Variants in ZNF469 observed in about 807,000 individuals in gnomAD.
The protein encoded by ZNF469 is zinc finger protein 469.
A neutral mutation model predicts 1.0 loss-of-function variants in ZNF469; 1 was observed. The ratio of observed to expected loss-of-function variants is 1.00; its 90% CI spans 0.35 to 4.73. The LOEUF is 4.73. ZNF469 is among the 30% of genes most tolerant of loss of function. The pLI is 0.16. For missense variants in ZNF469, 6,100 were observed against 5,356.3 expected (o/e 1.14, Z -4.33); for synonymous variants, 2,703 against 2,363.4 (o/e 1.14, Z -4.17).
the ZNF469 span, among the ~76,000 whole-genome samples, chr16:88,116,369 G>A: frequency 3.9e-5 from 6 of 152,130 alleles, no homozygotes; most frequent in South Asian, 2.1e-4. Flanking sequence ...CCGCAATGCC[G>A]CAGTGTAGAC....
the ZNF469 span, among the ~76,000 whole-genome samples, chr16:88,114,088 C>G: frequency 6.6e-6 from 1 of 152,072 alleles, no homozygotes; most frequent in Admixed American, 6.5e-5. Flanking sequence ...ATGGCCTTTG[C>G]AAGTCCCTCC....
intron 1 of ZNF469, among the ~76,000 whole-genome samples, chr16:88,417,514 T>A (rs1168107052): frequency 6.6e-6 from 1 of 152,160 alleles, no homozygotes; most frequent in East Asian, 1.9e-4. Context: ...GCTAGAAGGT[T>A]CCTGGGGCCA....
the ZNF469 span, among the ~76,000 whole-genome samples, chr16:88,138,607 G>C: frequency 1.3e-5 from 2 of 152,204 alleles, no homozygotes; most frequent in Admixed American, 1.3e-4. Flanking sequence ...GTCATGAAAG[G>C]TTGGTTCTGC....
At chr16:88,341,896 C>T in the ZNF469 span, among the ~76,000 whole-genome samples, 1 of 152,204 alleles carries the variant, frequency 6.6e-6, no homozygotes, top group African/African-American at 2.4e-5. Flanking sequence ...ACCAAGGGCG[C>T]TGGCCATCTG....
chr16:88,425,391 C>A (rs547805997), intron 2 of ZNF469, among the ~76,000 whole-genome samples: 1 of 152,182 alleles, frequency 6.6e-6, no homozygotes, highest in African/African-American at 2.4e-5. Flanking sequence ...TACCCCCAAC[C>A]CTGCAGCCTG....
the ZNF469 span, among the ~76,000 whole-genome samples, chr16:88,306,470 G>A: frequency 2.0e-5 from 3 of 152,172 alleles, no homozygotes; most frequent in Non-Finnish European, 4.4e-5. Flanking sequence ...TGGGAGGCTC[G>A]GGGAGGCTGA....
intron 1 of ZNF469, among the ~76,000 whole-genome samples, chr16:88,423,251 ATAGATGGATGGATGGGTGGGTGGG>A: frequency 1.7e-5 from 2 of 121,068 alleles, no homozygotes; most frequent in Non-Finnish European, 3.7e-5. Context: ...GGATGGATGG[ATAGATGGATGGATGGGTGGGTGGG>A]TAGATGGATG....
the ZNF469 span, among the ~76,000 whole-genome samples, chr16:88,348,216 C>T: frequency 1.4e-4 from 22 of 152,218 alleles, no homozygotes; most frequent in Non-Finnish European, 2.4e-4. Context: ...TGGCTCAGGG[C>T]CGCCTTCCTG....
chr16:88,305,728 T>C, the ZNF469 span, among the ~76,000 whole-genome samples: 7 of 152,046 alleles, frequency 4.6e-5, no homozygotes, highest in Admixed American at 3.9e-4. Context: ...ACCTGCACAC[T>C]CATGCCTGCA....
chr16:88,360,210 A>G, the ZNF469 span, among the ~76,000 whole-genome samples: 1 of 151,022 alleles, frequency 6.6e-6, no homozygotes, highest in Non-Finnish European at 1.5e-5. Flanking sequence ...AGTAGAGATG[A>G]GGTTTCTCCA....
the ZNF469 span, among the ~76,000 whole-genome samples, chr16:88,227,208 G>A: frequency 6.6e-6 from 1 of 152,182 alleles, no homozygotes. Context: ...CCCCTTGCCC[G>A]TCGTGGGGAT....
At chr16:88,229,114 C>T in the ZNF469 span, among the ~76,000 whole-genome samples, 1 of 152,168 alleles carries the variant, frequency 6.6e-6, no homozygotes, top group Non-Finnish European at 1.5e-5. Flanking sequence ...TTTTGCACTT[C>T]ACTAAAAATG....
At chr16:88,185,448 T>C in the ZNF469 span, among the ~76,000 whole-genome samples, 1 of 151,278 alleles carries the variant, frequency 6.6e-6, no homozygotes, top group Non-Finnish European at 1.5e-5. Context: ...GCATACACAC[T>C]TGTGTGCCCA....
At chr16:88,209,473 A>T in the ZNF469 span, among the ~76,000 whole-genome samples, 8 of 152,000 alleles carry the variant, frequency 5.3e-5, 1 homozygote, top group South Asian at 1.7e-3. Context: ...GTGTATTTTT[A>T]GTAGAGACGG....
intron 1 of ZNF469, among the ~76,000 whole-genome samples, chr16:88,402,014 A>G (rs1436733069): frequency 1.7e-5 from 2 of 114,384 alleles, no homozygotes; most frequent in Admixed American, 8.6e-5. Context: ...GTGGATGGAT[A>G]GATATGTGGG....
rs1471014920 is a variant in ZNF469, at chr16:88,436,578, C to A, written c.9108C>A (p.Thr3036=). 1.9e-6 allele frequency: 3 copies of A among 1,542,254 alleles called. No homozygotes were observed. Among genetic ancestry groups the A allele is most frequent in the African/African-American group, 1.4e-5 (1 of 72,948 alleles). The change falls in exon 3 of 3, where the codon ACC becomes ACA. Residue 3036 remains threonine, a synonymous_variant. Coordinates refer to ENST00000565624, the MANE Select transcript of ZNF469 (RefSeq NM_001367624.2). ...GTGACGGTGGGCTTCCCGGGAACAC[C>A]CACCTGCTGCCGCTCCGTGCCACGG... ...ERCDGGLPGN[T]HLLPLRATDF...
chr16:88,110,444 C>T, the ZNF469 span, among the ~76,000 whole-genome samples: 11 of 152,264 alleles, frequency 7.2e-5, no homozygotes, highest in Admixed American at 6.5e-5. Flanking sequence ...TCCCAGGTGT[C>T]GCTGAGTGCC....
the ZNF469 span, among the ~76,000 whole-genome samples, chr16:88,298,977 C>T: frequency 3.3e-5 from 5 of 152,176 alleles, no homozygotes; most frequent in Admixed American, 1.3e-4. Context: ...GACGCTTGCC[C>T]GGGGAACCTA....
At chr16:88,162,956 T>A in the ZNF469 span, among the ~76,000 whole-genome samples, 1 of 152,136 alleles carries the variant, frequency 6.6e-6, no homozygotes, top group Non-Finnish European at 1.5e-5. Flanking sequence ...GATGGACGGA[T>A]GGTTGGGGAG....
Sources: allele counts gnomAD v4.1 joint callset (sites outside exome capture counted in the v4.1 genomes callset), GRCh38; gene constraint gnomAD v4.1.1; transcripts MANE v1.5; gene names NCBI Gene and HGNC (gene_info 2026-07-23, HGNC 2026-07-21).